Variants in FHIP2B observed in about 807,000 individuals in gnomAD.
FHIP2B encodes the protein FHF complex subunit HOOK-interacting protein 2B.
In FHIP2B, 72 loss-of-function variants were observed where a neutral mutation model predicts 84.0. The observed-to-expected ratio is 0.86, with a 90% CI of 0.71 to 1.04. FHIP2B has a LOEUF of 1.04. FHIP2B is among the 50% of genes least tolerant of loss of function. The pLI, the probability that FHIP2B is intolerant of heterozygous loss-of-function variation, is 0.00. For missense variants in FHIP2B, 972 were observed against 968.9 expected (o/e 1.00, Z -0.04); for synonymous variants, 497 against 418.7 (o/e 1.19, Z -2.28).
Position 22,101,701 on chromosome 8 carries a change from G to A in FHIP2B, c.1708-7G>A, listed in dbSNP as rs1586346340. On this transcript the variant is annotated splice_polypyrimidine_tract_variant and splice_region_variant and intron_variant, in intron 13 of 16. Coordinates refer to ENST00000289921, the MANE Select transcript of FHIP2B (RefSeq NM_022749.7). Reference sequence around the variant, plus strand: ...GCCCACTGCCTCTACTTTCCCGCCTGTCTCAGTTCCAGGAGTGCAGCTCCC... The same window carrying A: ...GCCCACTGCCTCTACTTTCCCGCCTATCTCAGTTCCAGGAGTGCAGCTCCC... The A allele has an allele frequency of 1.9e-6, 3 of 1,605,966 alleles. No homozygotes were observed. Among genetic ancestry groups the A allele is most frequent in the Non-Finnish European group, 1.7e-6 (2 of 1,175,256 alleles).
chr8:22,098,450 G>A lies in FHIP2B; in HGVS notation c.796G>A (p.Glu266Lys). 2 of 1,604,828 alleles carry A rather than the reference G, an allele frequency of 1.2e-6. No individual in the cohort carries two copies. The highest frequency in any genetic ancestry group is 1.7e-6 in the Non-Finnish European group (2 of 1,173,716). ...KKSRVALKAQ[E>K]NLLLLVSMAS... ...GAGTCGGGTGGCCTTGAAGGCCCAG[G>A]AGAACCTGCTGCTCCTGGTGAGCAT... The change falls in exon 7 of 17, where the codon GAG (glutamate) becomes AAG (lysine). Residue 266 changes from glutamate to lysine, a missense_variant. Physicochemically the swap from Glu to Lys is moderately conservative, Grantham distance 56. Transcript: ENST00000289921.
chr8:22,101,147 C>G (rs1319468279), intron 12 of FHIP2B, 175 bp downstream of exon 12: 9 of 797,150 alleles, frequency 1.1e-5, no homozygotes. Context: ...CTCAGCCTCC[C>G]GAGTACCTGG....
intron 12 of FHIP2B, chr8:22,101,207 G>A: frequency 1.5e-6 from 1 of 653,596 alleles, no homozygotes; most frequent in Non-Finnish European, 2.6e-6. Context: ...AGTTTTAGTA[G>A]AGACTGGGTT....
intron 1 of FHIP2B, among the ~76,000 whole-genome samples, chr8:22,092,409 G>C (rs1261718535): frequency 6.6e-6 from 1 of 152,018 alleles, no homozygotes; most frequent in Non-Finnish European, 1.5e-5. Context: ...GTGAAACCCC[G>C]TCTCTACTAA....
rs746694186 is a variant in FHIP2B at position 22,100,868 on chromosome 8, C to T, written c.1512C>T (p.Phe504=). The T allele has an allele frequency of 8.7e-6, 14 of 1,613,800 alleles. No individual in the cohort carries two copies. In the Admixed American group the frequency reaches 1.0e-4, roughly 12 times the overall value. ...GAGACCTGGAGGAAGACCCCTACTT[C>T]ACCGACAGCTTCCTGGATTCCGGCT... is the stretch of plus-strand genomic sequence containing the variant. ...DTLDLEEDPY[F]TDSFLDSGFQ... Residue 504 remains phenylalanine (F), a synonymous_variant, in exon 12 of 17, where the codon TTC becomes TTT. Transcript: ENST00000289921.
rs1240912628 is a variant in FHIP2B, at chr8:22,103,294, G to T, written c.*363G>T. On this transcript the variant is annotated 3_prime_UTR_variant, in exon 17 of 17. Coordinates refer to ENST00000289921, the MANE Select transcript of FHIP2B (RefSeq NM_022749.7). ...GACTCAACTCCAGGGGCAAGATGGG[G>T]AGTGAGCTGATGGCTCCGAGACTGG... The T allele has an allele frequency of 8.7e-6, 2 of 230,602 alleles. No homozygotes were observed. The highest frequency in any genetic ancestry group is 2.3e-5 in the African/African-American group (1 of 43,780). The allele number at this position is 230,602 out of a possible 1,614,324, so 14.3% of individuals were successfully genotyped here.
chr8:22,089,883 C>A (rs1164638571), intron 1 of FHIP2B: 2 of 1,246,636 alleles, frequency 1.6e-6, no homozygotes, highest in Admixed American at 2.3e-5. Context: ...CTGGTGGGCC[C>A]CCAGCCGGGG....
chr8:22,089,207 C>CGCT lies in FHIP2B; in HGVS notation c.-44_-42dup, dbSNP rs1265774223. On this transcript the variant is annotated 5_prime_UTR_variant, in exon 1 of 17. Coordinates refer to ENST00000289921, the MANE Select transcript of FHIP2B (RefSeq NM_022749.7). ...ACGGGGCTGCCTCCTCCGCCTAGAG[C>CGCT]GCTGCCGCCGCCGCTTTCGCCCGGG... 1 of 1,051,216 alleles carries CGCT rather than the reference C, an allele frequency of 9.5e-7. No homozygotes were observed. The highest frequency in any genetic ancestry group is 1.1e-6 in the Non-Finnish European group (1 of 872,144). The allele number at this position is 1,051,216 out of a possible 1,614,324, so 65.1% of individuals were successfully genotyped here.
intron 1 of FHIP2B, among the ~76,000 whole-genome samples, chr8:22,089,604 ACG>A (rs1825359742): frequency 6.6e-6 from 1 of 150,898 alleles, no homozygotes; most frequent in African/African-American, 2.4e-5. Flanking sequence ...CTCCGCCGGG[ACG>A]CTCCCTGTCA....
intron 1 of FHIP2B, 150 bp from the exon 2 acceptor site, chr8:22,094,290 G>A: frequency 4.6e-6 from 3 of 650,100 alleles, no homozygotes; most frequent in Non-Finnish European, 2.5e-6. Context: ...GAGGAAATGT[G>A]TTATTCCTCC....
At chr8:22,097,991 G>T in intron 5 of FHIP2B, 77 bp from the exon 6 acceptor site, 1 of 1,526,358 alleles carries the variant, frequency 6.6e-7, no homozygotes, top group Non-Finnish European at 8.8e-7. Flanking sequence ...CCTGCTGGCA[G>T]CCCACCCTGC....
chr8:22,102,934 C>G lies in FHIP2B; in HGVS notation c.*3C>G. ...CAGCCCCGGAAGGGCAGGTCTGAGC[C>G]AGCACCAGGGCGGTGGGAGACTCCT... On this transcript the variant is annotated 3_prime_UTR_variant, in exon 17 of 17. Transcript: ENST00000289921. The G allele has an allele frequency of 6.2e-7, 1 of 1,612,890 alleles. No individual in the cohort carries two copies. Among genetic ancestry groups the G allele is most frequent in the South Asian group, 1.1e-5 (1 of 91,004 alleles).
chr8:22,101,972 C>A, intron 14 of FHIP2B, 121 bp downstream of exon 14: 1 of 1,503,324 alleles, frequency 6.7e-7, no homozygotes, highest in Non-Finnish European at 8.9e-7. Context: ...TGTCCTTTCC[C>A]CAGGTGGGAA....
chr8:22,101,589 G>T lies in FHIP2B; in HGVS notation c.1707+59G>T, dbSNP rs1586345811. 19 of 1,572,760 alleles carry T rather than the reference G, an allele frequency of 1.2e-5. No homozygotes were observed. In the East Asian group the frequency reaches 4.4e-4, roughly 36 times the overall value. ...GTCCTTCAGAACAGCTGGGTCATAAGCTCTGGGTTCCGCCTCTCTCATCTG... is the reference window on the plus strand; with the variant it reads ...GTCCTTCAGAACAGCTGGGTCATAATCTCTGGGTTCCGCCTCTCTCATCTG... On this transcript the variant is annotated intron_variant, in intron 13 of 16. Transcript: ENST00000289921.
At chr8:22,098,813 A>G in intron 7 of FHIP2B, 135 bp from the exon 8 acceptor site, 1 of 960,018 alleles carries the variant, frequency 1.0e-6, no homozygotes, top group Non-Finnish European at 1.6e-6. Flanking sequence ...CTCTGTCCAT[A>G]AAACCCCCAA....
chr8:22,098,221 A>G lies in FHIP2B; in HGVS notation c.679A>G (p.Ser227Gly). The change falls in exon 6 of 17, where the codon AGC (serine) becomes GGC (glycine). Residue 227 changes from serine (S) to glycine (G), a missense_variant. Physicochemically the swap from Ser to Gly is moderately conservative, Grantham distance 56. Transcript: ENST00000289921. ...GTCCTGTGGGGCCCAGGCCTTGAAC[A>G]GCCACATGCCTGCTGAGACCGAGGA... ...GESCGAQALN[S>G]HMPAETEELD... 6.3e-7 allele frequency: 1 copy of G among 1,588,994 alleles called. No individual in the cohort carries two copies. Among genetic ancestry groups the G allele is most frequent in the Non-Finnish European group, 8.6e-7 (1 of 1,168,376 alleles).
chr8:22,093,919 T>C (rs1825632351), intron 1 of FHIP2B, among the ~76,000 whole-genome samples: 1 of 152,038 alleles, frequency 6.6e-6, no homozygotes, highest in Non-Finnish European at 1.5e-5. Flanking sequence ...AGCTTCATCA[T>C]GTTGCCGAGG....
chr8:22,091,642 G>C (rs528989610), intron 1 of FHIP2B, among the ~76,000 whole-genome samples: 1 of 152,322 alleles, frequency 6.6e-6, no homozygotes, highest in East Asian at 1.9e-4. Context: ...TCACACACCT[G>C]TGTCACCAGC....
chr8:22,102,655 C>T (rs1163384296), intron 16 of FHIP2B, 27 bp downstream of exon 16: 2 of 1,565,116 alleles, frequency 1.3e-6, no homozygotes, highest in Non-Finnish European at 1.7e-6. Flanking sequence ...CCAGGTGAAG[C>T]CTTGGGGTGG....
Sources: allele counts gnomAD v4.1 joint callset (sites outside exome capture counted in the v4.1 genomes callset), GRCh38; gene constraint gnomAD v4.1.1; transcripts MANE v1.5; gene names NCBI Gene and HGNC (gene_info 2026-07-23, HGNC 2026-07-21).